Variants in PITRM1 observed in about 807,000 individuals in gnomAD.
PITRM1 encodes the protein pitrilysin metallopeptidase 1.
PITRM1 carries 100 observed loss-of-function variants against 129.9 expected under a neutral mutation model. The observed-to-expected ratio is 0.77, with a 90% CI of 0.65 to 0.91. The LOEUF is 0.91. PITRM1 is among the 40% of genes least tolerant of loss of function. The pLI, the probability that PITRM1 is intolerant of heterozygous loss-of-function variation, is 0.00. For synonymous variants in PITRM1, 591 were observed against 508.8 expected (o/e 1.16, Z -2.17); for missense variants, 1,471 against 1,318.3 (o/e 1.12, Z -1.79).
At chr10:3,148,615 T>C in intron 16 of PITRM1, 1 of 258,340 alleles carries the variant, frequency 3.9e-6, no homozygotes, top group Non-Finnish European at 7.5e-6. Context: ...TCAATAAATG[T>C]TTTATGACTA....
At position 3,159,839 on chromosome 10, in the gene PITRM1, T is replaced by C. The variant is rs759392035; in HGVS notation, c.1007+9A>G. The C allele has an allele frequency of 2.6e-6, 4 of 1,539,812 alleles. No individual in the cohort carries two copies. The highest frequency in any genetic ancestry group is 3.6e-6 in the Non-Finnish European group (4 of 1,118,588). On this transcript the variant is annotated intron_variant, in intron 9 of 26. Coordinates refer to ENST00000224949, the MANE Select transcript of PITRM1 (RefSeq NM_014889.4). Reference sequence around the variant, plus strand: ...TTGTCTTGTATGAGCTTTGACAGCATATACTTACTCCGGTAAGAGGAAGCT... The same window carrying C: ...TTGTCTTGTATGAGCTTTGACAGCACATACTTACTCCGGTAAGAGGAAGCT...
chr10:3,159,049 TG>T lies in PITRM1; in HGVS notation c.1008-8del, dbSNP rs1321767049. The T allele has an allele frequency of 1.9e-6, 3 of 1,595,488 alleles. No individual in the cohort carries two copies. Among genetic ancestry groups the T allele is most frequent in the Admixed American group, 3.6e-5 (2 of 55,202 alleles). Reference sequence around the variant, plus strand: ...TTCAAATGTGTCGGTGATGCTGCATTGAAAAAAAAAGGAACGGGGAGGTAAG... The same window carrying T: ...TTCAAATGTGTCGGTGATGCTGCATTAAAAAAAAAGGAACGGGGAGGTAAG... On this transcript the variant is annotated splice_polypyrimidine_tract_variant and splice_region_variant and intron_variant, in intron 9 of 26. Transcript: ENST00000224949.
chr10:3,155,441 G>T, intron 14 of PITRM1, 150 bp downstream of exon 14: 2 of 880,232 alleles, frequency 2.3e-6, no homozygotes, highest in Non-Finnish European at 3.5e-6. Context: ...GAGAATATCT[G>T]AACTCAATGC....
chr10:3,154,284 T>C (rs1841779873), intron 14 of PITRM1, among the ~76,000 whole-genome samples: 1 of 152,244 alleles, frequency 6.6e-6, no homozygotes, highest in Non-Finnish European at 1.5e-5. Context: ...TTTCAAGCTT[T>C]GTGCGGACGC....
intron 7 of PITRM1, among the ~76,000 whole-genome samples, chr10:3,160,931 T>A (rs897604007): frequency 6.6e-6 from 1 of 152,166 alleles, no homozygotes; most frequent in African/African-American, 2.4e-5. Context: ...CAGCTAATTT[T>A]TGTATTTTTA....
intron 23 of PITRM1, chr10:3,141,911 G>A (rs535383317): frequency 4.6e-6 from 1 of 217,164 alleles, no homozygotes; most frequent in East Asian, 1.3e-4. Context: ...CGAGGCTGGA[G>A]TCAGACCCTG....
At position 3,170,927 on chromosome 10, in the gene PITRM1, C is replaced by T. The variant is rs951395548; in HGVS notation, c.57-721G>A. Among the ~76,000 whole-genome samples, 7 of 151,784 alleles carry T rather than the reference C, an allele frequency of 4.6e-5. No individual in the cohort carries two copies. In the South Asian group the frequency reaches 8.3e-4, roughly 18 times the overall value. On this transcript the variant is annotated intron_variant, in intron 1 of 26. Transcript: ENST00000224949. ...GCAGTGGGCCGAGATCACGCCACTG[C>T]ACTCCAGCCTGGGTGACAGAGCAAG... is the stretch of plus-strand genomic sequence containing the variant.
At position 3,137,843 on chromosome 10, in the gene PITRM1, G is replaced by A. The variant is rs543602699; in HGVS notation, c.*188C>T. ...GGTGCATCTTTGGCGCTTCATGCAT[G>A]ATTATTTCAATGAACCTCTTCCTGG... On this transcript the variant is annotated 3_prime_UTR_variant, in exon 27 of 27. Coordinates refer to ENST00000224949, the MANE Select transcript of PITRM1 (RefSeq NM_014889.4). The A allele has an allele frequency of 8.1e-5, 47 of 580,096 alleles. No homozygotes were observed. The highest frequency in any genetic ancestry group is 1.4e-4 in the Non-Finnish European group (44 of 324,796). 35.9% of individuals were successfully genotyped at this position (580,096 alleles called of 1,614,324 possible).
intron 2 of PITRM1, among the ~76,000 whole-genome samples, chr10:3,167,300 CGA>C (rs1842957040): frequency 1.3e-5 from 2 of 152,060 alleles, no homozygotes; most frequent in Non-Finnish European, 2.9e-5. Flanking sequence ...AGCGAGCGAG[CGA>C]GCGCGAGAGC....
chr10:3,167,399 T>C (rs766883475), intron 2 of PITRM1, among the ~76,000 whole-genome samples: 4 of 152,246 alleles, frequency 2.6e-5, no homozygotes, highest in Non-Finnish European at 5.9e-5. Flanking sequence ...TTTCTAATCA[T>C]GTCACATATA....
intron 11 of PITRM1, 139 bp downstream of exon 11, chr10:3,157,901 T>C (rs1261561182): frequency 9.0e-6 from 6 of 668,328 alleles, no homozygotes; most frequent in Non-Finnish European, 1.3e-5. Flanking sequence ...AGAGATAATA[T>C]TTAAACAACT....
Position 3,137,854 on chromosome 10 carries a change from T to G in PITRM1, c.*177A>C. ...GGCGCTTCATGCATGATTATTTCAA[T>G]GAACCTCTTCCTGGTCACTCTTAAG... On this transcript the variant is annotated 3_prime_UTR_variant, in exon 27 of 27. Transcript: ENST00000224949. 6 of 587,148 alleles carry G rather than the reference T, an allele frequency of 1.0e-5. No homozygotes were observed. Among genetic ancestry groups the G allele is most frequent in the Non-Finnish European group, 1.8e-5 (6 of 328,910 alleles). The allele number at this position is 587,148 out of a possible 1,614,324, so 36.4% of individuals were successfully genotyped here.
intron 24 of PITRM1, among the ~76,000 whole-genome samples, chr10:3,139,327 C>G (rs1008340060): frequency 6.6e-6 from 1 of 152,214 alleles, no homozygotes; most frequent in African/African-American, 2.4e-5. Flanking sequence ...GTGACCTCAT[C>G]AGGAGAGGAA....
chr10:3,167,116 T>C, intron 2 of PITRM1, 74 bp from the exon 3 acceptor site: 1 of 821,844 alleles, frequency 1.2e-6, no homozygotes. Flanking sequence ...TTCGACACAC[T>C]GAGAAAACTG....
intron 9 of PITRM1, among the ~76,000 whole-genome samples, chr10:3,159,614 A>G (rs1303311855): frequency 2.0e-5 from 3 of 152,246 alleles, no homozygotes; most frequent in Non-Finnish European, 2.9e-5. Context: ...TTGAAATACA[A>G]TAAGTAAATT....
rs779617058 is a variant in PITRM1, at chr10:3,163,809, C to T, written c.707G>A (p.Gly236Glu). Residue 236 changes from glycine (G) to glutamate (E), a missense_variant, in exon 7 of 27, where the codon GGG becomes GAG. Physicochemically the swap from Gly to Glu is moderately conservative, Grantham distance 98. Transcript: ENST00000224949. ...CTCCGGGATGCACAGTGGGTCACCC[C>T]CGGAGACCACTGAGTACGTGTGGTC... ...LPDHTYSVVS[G>E]GDPLCIPELT... The T allele has an allele frequency of 1.2e-6, 2 of 1,612,044 alleles. No homozygotes were observed. The highest frequency in any genetic ancestry group is 1.7e-6 in the Non-Finnish European group (2 of 1,178,384).
chr10:3,138,391 G>C, intron 25 of PITRM1, 54 bp from the exon 26 acceptor site: 1 of 1,228,374 alleles, frequency 8.1e-7, no homozygotes, highest in Non-Finnish European at 1.2e-6. Flanking sequence ...CTCGCGTTGT[G>C]GGCTGTGCAC....
At chr10:3,160,366 G>A (rs1162824262) in intron 7 of PITRM1, 36 bp from the exon 8 acceptor site, 1 of 1,549,710 alleles carries the variant, frequency 6.5e-7, no homozygotes, top group South Asian at 1.1e-5. Context: ...GTCTGTTTTA[G>A]TTTAAAAGAT....
chr10:3,148,178 T>C lies in PITRM1; in HGVS notation c.1985A>G (p.Tyr662Cys). 6.2e-7 allele frequency: 1 copy of C among 1,613,938 alleles called. No homozygotes were observed. Among genetic ancestry groups the C allele is most frequent in the Non-Finnish European group, 8.5e-7 (1 of 1,179,866 alleles). The change falls in exon 17 of 27, where the codon TAC becomes TGC. Residue 662 changes from tyrosine (Y) to cysteine (C), a missense_variant. Coordinates refer to ENST00000224949, the MANE Select transcript of PITRM1 (RefSeq NM_014889.4). Reference sequence around the variant, plus strand: ...CTGACGGTACCAGGCTACCTGCTCGTAGGTGTCCATGTGTGAGTCGTCGGG... The same window carrying C: ...CTGACGGTACCAGGCTACCTGCTCGCAGGTGTCCATGTGTGAGTCGTCGGG... Reference protein sequence around the residue: ...VLPDDSHMDTYEQGVLFSSLC... With the variant: ...VLPDDSHMDTCEQGVLFSSLC...
Sources: gnomAD v4.1 joint callset for allele counts (sites outside exome capture counted in the v4.1 genomes callset) on GRCh38, gnomAD v4.1.1 for gene constraint, MANE v1.5 for transcripts, NCBI Gene and HGNC (gene_info 2026-07-23, HGNC 2026-07-21) for gene names.